The following CARF variants were observed in gnomAD, a reference collection of about 807,000 sequenced individuals.
CARF encodes calcium-responsive transcription factor.
A neutral mutation model predicts 82.0 loss-of-function variants in CARF; 57 were observed. That is an observed-to-expected ratio of 0.70 (90% CI 0.56 to 0.87). The LOEUF is 0.87. Ranked by LOEUF, CARF falls within the 40% of genes least tolerant of loss-of-function variation. The pLI, the probability that CARF is intolerant of heterozygous loss-of-function variation, is 0.00. For missense variants in CARF, 771 were observed against 855.8 expected (o/e 0.90, Z 1.24); for synonymous variants, 268 against 290.1 (o/e 0.92, Z 0.77).
intron 5 of CARF, among the ~76,000 whole-genome samples, chr2:202,943,340 C>T (rs2058324821): frequency 6.6e-6 from 1 of 152,120 alleles, no homozygotes; most frequent in African/African-American, 2.4e-5. Context: ...TCTCAAAGTT[C>T]TGGGATTACA....
chr2:202,916,098 T>G (rs1689587344), intron 1 of CARF, among the ~76,000 whole-genome samples: 2 of 152,124 alleles, frequency 1.3e-5, no homozygotes, highest in Admixed American at 1.3e-4. Context: ...ATAAAAGGAA[T>G]GTTATGTCAT....
chr2:202,918,886 G>T, intron 2 of CARF, among the ~76,000 whole-genome samples: 1 of 152,116 alleles, frequency 6.6e-6, no homozygotes, highest in East Asian at 1.9e-4. Context: ...ACCACAAAAA[G>T]TCTTTAACCC....
At position 202,974,442 on chromosome 2, in the gene CARF, G is replaced by T; in HGVS notation, c.1440G>T (p.Gln480His). 6.2e-7 allele frequency: 1 copy of T among 1,607,502 alleles called. No individual in the cohort carries two copies. The highest frequency in any genetic ancestry group is 8.5e-7 in the Non-Finnish European group (1 of 1,178,372). Residue 480 changes from glutamine (Q) to histidine (H), a missense_variant, in exon 13 of 17, where the codon CAG (glutamine) becomes CAT (histidine). Transcript: ENST00000438828. ...TAAAAAATCACATCCATGAGGTACA[G>T]AAATCCTTGAGAAATGGAGATACGG... Reference protein sequence around the residue: ...NDIKNHIHEVQKSLRNGDTVY... With the variant: ...NDIKNHIHEVHKSLRNGDTVY...
intron 1 of CARF, among the ~76,000 whole-genome samples, chr2:202,915,057 G>A (rs1482637233): frequency 2.0e-5 from 3 of 151,466 alleles, no homozygotes; most frequent in Non-Finnish European, 4.4e-5. Context: ...TCCCTCTGTC[G>A]CGAGGCTGGA....
intron 5 of CARF, among the ~76,000 whole-genome samples, chr2:202,950,239 C>T (rs1386949101): frequency 1.3e-5 from 2 of 152,134 alleles, no homozygotes; most frequent in Non-Finnish European, 2.9e-5. Flanking sequence ...CTTTTATCTA[C>T]TATGCTTGGG....
chr2:202,976,886 T>G (rs2060053001), intron 13 of CARF, among the ~76,000 whole-genome samples: 1 of 151,936 alleles, frequency 6.6e-6, no homozygotes, highest in African/African-American at 2.4e-5. Context: ...ATTTTTTAAG[T>G]TTTTGTAGAG....
At position 202,913,028 on chromosome 2, in the gene CARF, T is replaced by G. The variant is rs1477605549; in HGVS notation, c.-404T>G. 6.6e-6 allele frequency: 1 copy of G among 152,208 alleles called. No individual in the cohort carries two copies. Among genetic ancestry groups the G allele is most frequent in the Non-Finnish European group, 1.5e-5 (1 of 68,060 alleles). The allele number at this position is 152,208 out of a possible 1,614,324, so 9.4% of individuals were successfully genotyped here. ...AACTATCCTGATCCCAATGTCACTT[T>G]TTAAGGCATTCGCTTCAAGAGACAA... On this transcript the variant is annotated 5_prime_UTR_variant, in exon 1 of 17. Coordinates refer to ENST00000438828, the MANE Select transcript of CARF (RefSeq NM_024744.17).
At chr2:202,934,611 C>T (rs1246484916) in intron 3 of CARF, 2 of 152,076 alleles carry the variant, frequency 1.3e-5, no homozygotes, top group African/African-American at 2.4e-5. Context: ...TGAGGGCCAC[C>T]ACACCTGGCT....
At chr2:202,976,273 C>G (rs1559279043) in intron 13 of CARF, among the ~76,000 whole-genome samples, 2 of 151,942 alleles carry the variant, frequency 1.3e-5, no homozygotes, top group South Asian at 2.1e-4. Context: ...CTCCCAGGTT[C>G]AAGCTATTCT....
At chr2:202,954,975 C>T (rs912538782) in intron 7 of CARF, among the ~76,000 whole-genome samples, 2 of 151,436 alleles carry the variant, frequency 1.3e-5, no homozygotes, top group African/African-American at 4.9e-5. Flanking sequence ...GATTGTGCCA[C>T]TGTACTCCAG....
In CARF at chr2:202,944,074, C is replaced by A. The variant is rs537514160; in HGVS notation, c.306+1107C>A. Among the ~76,000 whole-genome samples, 27 of 152,308 alleles carry A rather than the reference C, an allele frequency of 1.8e-4. No homozygotes were observed. In the South Asian group the frequency reaches 3.9e-3, roughly 22 times the overall value. The stretch of plus-strand genomic sequence containing the variant: ...TACTACTAGTATATGGGGAATTAGA[C>A]ATATCCTTGCTGATCTTTGTGGGTA... On this transcript the variant is annotated intron_variant, in intron 5 of 16. Coordinates refer to ENST00000438828, the MANE Select transcript of CARF (RefSeq NM_024744.17).
chr2:202,962,820 A>G (rs2059378772), intron 9 of CARF: 1 of 152,182 alleles, frequency 6.6e-6, no homozygotes, highest in Admixed American at 6.5e-5. Context: ...ATATTCCAGC[A>G]TGTGACCAAA....
At chr2:202,970,572 G>A (rs938388797) in intron 11 of CARF, among the ~76,000 whole-genome samples, 6 of 152,006 alleles carry the variant, frequency 3.9e-5, no homozygotes, top group African/African-American at 1.4e-4. Context: ...TTATGTGTCA[G>A]TCTGGGTGAA....
chr2:202,966,858 C>A, intron 9 of CARF, 120 bp from the exon 10 acceptor site: 1 of 865,044 alleles, frequency 1.2e-6, no homozygotes, highest in South Asian at 2.2e-5. Context: ...CTAATGTTTT[C>A]TTTCCTTAAA....
At chr2:202,963,881 G>C (rs2059425509) in intron 9 of CARF, among the ~76,000 whole-genome samples, 1 of 152,158 alleles carries the variant, frequency 6.6e-6, no homozygotes, top group South Asian at 2.1e-4. Flanking sequence ...ATAGGGAGTG[G>C]CTGTAAATAC....
chr2:202,949,557 T>C (rs1057473468), intron 5 of CARF, among the ~76,000 whole-genome samples: 16 of 146,200 alleles, frequency 1.1e-4, no homozygotes, highest in African/African-American at 4.0e-4. Flanking sequence ...TTATTATTAT[T>C]ATTATTATTT....
Position 202,942,642 on chromosome 2 carries a change from A to G in CARF, c.79-98A>G, listed in dbSNP as rs934039740. On this transcript the variant is annotated intron_variant, in intron 4 of 16. Coordinates refer to ENST00000438828, the MANE Select transcript of CARF (RefSeq NM_024744.17). ...GAATTGACAACTCTTACAAAAAAGTAAAAACAACTGAAAAATGGATGTCTT... is the reference window on the plus strand; with the variant it reads ...GAATTGACAACTCTTACAAAAAAGTGAAAACAACTGAAAAATGGATGTCTT... 4 of 1,102,596 alleles carry G rather than the reference A, an allele frequency of 3.6e-6. No homozygotes were observed. The African/African-American group carries it at 6.4e-5, about 18-fold the overall frequency. The allele number at this position is 1,102,596 out of a possible 1,614,324, so 68.3% of individuals were successfully genotyped here. A position where few individuals can be genotyped will look rare whatever the true frequency, so the allele number is the denominator to read the frequency against.
intron 12 of CARF, among the ~76,000 whole-genome samples, chr2:202,973,924 T>TAA (rs2059918735): frequency 6.6e-6 from 1 of 152,004 alleles, no homozygotes; most frequent in South Asian, 2.1e-4. Flanking sequence ...CTGTCTCTAC[T>TAA]AAAAATACAA....
chr2:202,967,326 G>C (rs991110947), intron 10 of CARF, among the ~76,000 whole-genome samples: 1 of 152,160 alleles, frequency 6.6e-6, no homozygotes, highest in Non-Finnish European at 1.5e-5. Context: ...GAGAGACAGA[G>C]ATCTCCTTCT....
Sources: allele counts gnomAD v4.1 joint callset (sites outside exome capture counted in the v4.1 genomes callset), GRCh38; gene constraint gnomAD v4.1.1; transcripts MANE v1.5; gene names NCBI Gene and HGNC (gene_info 2026-07-23, HGNC 2026-07-21).